Variants in DISC1 observed in about 807,000 individuals in gnomAD.
DISC1 encodes disrupted in schizophrenia 1 protein.
DISC1 carries 57 observed loss-of-function variants against 84.5 expected under a neutral mutation model. The observed-to-expected ratio is 0.67, with a 90% CI of 0.55 to 0.84. DISC1 has a LOEUF of 0.84. DISC1 is among the 40% of genes least tolerant of loss of function. DISC1 has a pLI of 0.00. For missense variants in DISC1, 1,000 were observed against 1,057.8 expected, an observed-to-expected ratio of 0.95 and a Z score of 0.76; for synonymous variants, 411 against 415.2, an observed-to-expected ratio of 0.99 and a Z score of 0.12.
intron 9 of DISC1, among the ~76,000 whole-genome samples, chr1:231,857,602 T>C (rs1007510601): frequency 2.6e-5 from 4 of 152,246 alleles, no homozygotes; most frequent in Non-Finnish European, 5.9e-5. Context: ...TGCTGGGATT[T>C]TATAACTAAC....
chr1:231,770,764 G>A (rs1007314409), intron 5 of DISC1, 71 bp from the exon 6 acceptor site: 22 of 1,565,288 alleles, frequency 1.4e-5, no homozygotes, highest in Non-Finnish European at 1.9e-5. Flanking sequence ...ATTTAAACGA[G>A]TCATTATCCT....
In DISC1 at chr1:231,958,868, A is replaced by C; in HGVS notation, c.2022A>C (p.Thr674=). The C allele has an allele frequency of 6.2e-7, 1 of 1,613,782 alleles. No homozygotes were observed. The highest frequency in any genetic ancestry group is 1.7e-4 in the Middle Eastern group (1 of 6,058). The stretch of plus-strand genomic sequence containing the variant: ...AAAATACTATGAAGTACATGGAAAC[A>C]CTTAAGAATAAACTGTGCAGGTAAG... The part of the protein sequence containing the change: ...VKENTMKYME[T]LKNKLCSCKC... The change falls in exon 10 of 13, where the codon ACA becomes ACC. Residue 674 remains threonine (T), a synonymous_variant. Coordinates refer to ENST00000439617, the MANE Select transcript of DISC1 (RefSeq NM_018662.3).
intron 8 of DISC1, among the ~76,000 whole-genome samples, chr1:231,817,585 C>G (rs1389425500): frequency 6.6e-6 from 1 of 152,112 alleles, no homozygotes; most frequent in African/African-American, 2.4e-5. Context: ...AAATAGTTTT[C>G]ACTGTAGAGC....
At chr1:231,881,474 A>G (rs1251826164) in intron 9 of DISC1, among the ~76,000 whole-genome samples, 1 of 151,776 alleles carries the variant, frequency 6.6e-6, no homozygotes, top group Non-Finnish European at 1.5e-5. Context: ...TTTTATTAGA[A>G]CCCAGTCATA....
chr1:231,959,144 G>C, intron 10 of DISC1: 1 of 1,158,898 alleles, frequency 8.6e-7, no homozygotes. Flanking sequence ...TGTTCCATAA[G>C]AGAAGAATCT....
chr1:231,792,522 ATATAGGT>A (rs2078425167), intron 6 of DISC1, among the ~76,000 whole-genome samples: 1 of 152,270 alleles, frequency 6.6e-6, no homozygotes, highest in Non-Finnish European at 1.5e-5. Context: ...TTAAATGCTC[ATATAGGT>A]TCAATGATGT....
chr1:231,737,946 C>T (rs1268666850), intron 3 of DISC1, among the ~76,000 whole-genome samples: 1 of 152,202 alleles, frequency 6.6e-6, no homozygotes, highest in Non-Finnish European at 1.5e-5. Context: ...CAACCTCTGC[C>T]TCCTGGGCTC....
intron 9 of DISC1, among the ~76,000 whole-genome samples, chr1:231,905,643 A>G (rs1457221240): frequency 6.6e-6 from 1 of 152,026 alleles, no homozygotes; most frequent in East Asian, 1.9e-4. Flanking sequence ...TAATAAAGGA[A>G]TGACTAAAGA....
intron 9 of DISC1, among the ~76,000 whole-genome samples, chr1:231,896,471 C>A (rs1164708600): frequency 6.6e-6 from 1 of 152,162 alleles, no homozygotes; most frequent in African/African-American, 2.4e-5. Flanking sequence ...ATATCAAATG[C>A]AACTTTTTTT....
chr1:231,952,109 A>G (rs563008319), intron 9 of DISC1, among the ~76,000 whole-genome samples: 450 of 150,044 alleles, frequency 3.0e-3, no homozygotes, highest in African/African-American at 9.8e-3. Flanking sequence ...AAAAAAAAAA[A>G]AAAAGAAAAG....
At chr1:231,886,796 T>TTTCTTTCTTTCC (rs2086767689) in intron 9 of DISC1, among the ~76,000 whole-genome samples, 1 of 140,778 alleles carries the variant, frequency 7.1e-6, no homozygotes, top group African/African-American at 2.8e-5. Context: ...TCTTTCTTTC[T>TTTCTTTCTTTCC]TTCTTTCTTT....
At chr1:231,697,865 A>G (rs1024770277) in intron 2 of DISC1, among the ~76,000 whole-genome samples, 8 of 152,206 alleles carry the variant, frequency 5.3e-5, no homozygotes, top group Middle Eastern at 3.4e-3. Flanking sequence ...TCATACTACA[A>G]ACTAGTATCC....
intron 9 of DISC1, among the ~76,000 whole-genome samples, chr1:231,861,778 C>T (rs1006199021): frequency 2.6e-5 from 4 of 152,134 alleles, no homozygotes; most frequent in African/African-American, 9.7e-5. Flanking sequence ...TTGCTTTGCT[C>T]ATTCAATGAA....
At position 231,762,079 on chromosome 1, in the gene DISC1, T is replaced by C. The variant is rs546967648; in HGVS notation, c.1269-5061T>C. On this transcript the variant is annotated intron_variant, in intron 4 of 12. Transcript: ENST00000439617. ...TATCCTCAGACACATTTTATCTTTT[T>C]TTCTTTCTCTTTTCTTTTTTCTTTC... is the stretch of plus-strand genomic sequence containing the variant. Among the ~76,000 whole-genome samples, 6 of 152,246 alleles carry C rather than the reference T, an allele frequency of 3.9e-5. No individual in the cohort carries two copies. In the South Asian group the frequency reaches 6.2e-4, roughly 16 times the overall value.
At position 231,694,689 on chromosome 1, in the gene DISC1, G is replaced by A; in HGVS notation, c.931G>A (p.Gly311Ser). 6.2e-7 allele frequency: 1 copy of A among 1,614,244 alleles called. No individual in the cohort carries two copies. The highest frequency in any genetic ancestry group is 8.5e-7 in the Non-Finnish European group (1 of 1,180,056). ...CAGTTCTCTGGATCCCTCACTGGCT[G>A]GCTGTGGTGGTGATGGGAGCAGCGG... is the stretch of plus-strand genomic sequence containing the variant. The part of the protein sequence containing the change: ...SSSSLDPSLA[G>S]CGGDGSSGSG... Residue 311 changes from glycine (G) to serine (S), a missense_variant, in exon 2 of 13, where the codon GGC becomes AGC. Gly to Ser is a moderately conservative substitution (Grantham distance 56, BLOSUM62 0). Around this residue, in one of 3 missense-constraint regions of DISC1, gnomAD observed 311 missense variants for 400.1 expected, o/e 0.78. Transcript: ENST00000439617.
At chr1:231,633,025 C>T (rs1391631996) in intron 1 of DISC1, among the ~76,000 whole-genome samples, 2 of 152,150 alleles carry the variant, frequency 1.3e-5, no homozygotes, top group Non-Finnish European at 2.9e-5. Flanking sequence ...GAGCCAAGAT[C>T]ATGTCACTGC....
Position 232,009,225 on chromosome 1 carries a change from G to T in DISC1, c.2307+176G>T. ...AAAATAAAGTAGAATTTTTGTAGAA[G>T]TTTGAAATATAGAAGAGCAAAAAAA... On this transcript the variant is annotated intron_variant, in intron 11 of 12. Coordinates refer to ENST00000439617, the MANE Select transcript of DISC1 (RefSeq NM_018662.3). The surrounding 1 kb of genome is among the most constrained non-coding windows in gnomAD (Gnocchi z 4.6). 2 of 1,413,558 alleles carry T rather than the reference G, an allele frequency of 1.4e-6. No homozygotes were observed. Among genetic ancestry groups the T allele is most frequent in the Non-Finnish European group, 1.8e-6 (2 of 1,087,014 alleles). The allele number at this position is 1,413,558 out of a possible 1,614,324, so 87.6% of individuals were successfully genotyped here. A position where few individuals can be genotyped will look rare whatever the true frequency, so the allele number is the denominator to read the frequency against.
Position 231,757,946 on chromosome 1 carries a change from C to T in DISC1, c.1268+7870C>T, listed in dbSNP as rs545293791. On this transcript the variant is annotated intron_variant, in intron 4 of 12. Transcript: ENST00000439617. ...ACAGTCGGCTTTCCACTCAGGCACC[C>T]AACAGGTTTATCAGGCCTGTCTGCA... Among the ~76,000 whole-genome samples, 6 of 150,028 alleles carry T rather than the reference C, an allele frequency of 4.0e-5. No homozygotes were observed. The East Asian group carries it at 1.2e-3, about 30-fold the overall frequency.
At chr1:231,789,267 C>A in intron 6 of DISC1, among the ~76,000 whole-genome samples, 1 of 152,074 alleles carries the variant, frequency 6.6e-6, no homozygotes, top group Non-Finnish European at 1.5e-5. Context: ...GGCAGTGGAC[C>A]CTGCACCAGC....
Sources: gnomAD v4.1 joint callset for allele counts (sites outside exome capture counted in the v4.1 genomes callset) on GRCh38, gnomAD v4.1.1 for gene constraint, gnomAD v4.1.1 regional missense constraint, Gnocchi (gnomAD v3.1) non-coding constraint, MANE v1.5 for transcripts, NCBI Gene and HGNC (gene_info 2026-07-23, HGNC 2026-07-21) for gene names.